The following FHAD1 variants were observed in gnomAD, a reference collection of about 807,000 sequenced individuals.
FHAD1 encodes forkhead-associated domain-containing protein 1.
FHAD1 carries 146 observed loss-of-function variants against 191.3 expected under a neutral mutation model. The observed-to-expected ratio is 0.76, with a 90% CI of 0.67 to 0.88. FHAD1 has a LOEUF of 0.88. FHAD1 is among the 40% of genes least tolerant of loss of function. The pLI, the probability that FHAD1 is intolerant of heterozygous loss-of-function variation, is 0.00. For synonymous variants in FHAD1, 616 were observed against 672.3 expected (o/e 0.92, Z 1.29); for missense variants, 1,635 against 1,785.8 (o/e 0.92, Z 1.52).
chr1:15,307,979 C>G (rs559617720), intron 6 of FHAD1, among the ~76,000 whole-genome samples: 1 of 152,226 alleles, frequency 6.6e-6, no homozygotes, highest in African/African-American at 2.4e-5. Flanking sequence ...ATCCACCCGC[C>G]TCAGCCTCCC....
intron 2 of FHAD1, among the ~76,000 whole-genome samples, chr1:15,271,151 A>C: frequency 6.7e-6 from 1 of 148,738 alleles, no homozygotes; most frequent in African/African-American, 2.5e-5. Context: ...AAAAAAAAAA[A>C]AAAAAAAAAA....
At chr1:15,238,249 G>T in intron 1 of FHAD1, among the ~76,000 whole-genome samples, 1 of 8,026 alleles carries the variant, frequency 1.2e-4, no homozygotes, top group Non-Finnish European at 1.8e-4. Flanking sequence ...TCCATCTCAA[G>T]GAAAAAAAAA....
At chr1:15,256,030 T>C (rs1188460940) in intron 2 of FHAD1, among the ~76,000 whole-genome samples, 1 of 152,220 alleles carries the variant, frequency 6.6e-6, no homozygotes, top group African/African-American at 2.4e-5. Flanking sequence ...CCCACCTGCA[T>C]TGGACAGGGC....
intron 3 of FHAD1, among the ~76,000 whole-genome samples, chr1:15,274,064 C>T (rs913970129): frequency 2.0e-5 from 3 of 152,194 alleles, no homozygotes; most frequent in African/African-American, 2.4e-5. Flanking sequence ...TTGTAGCATG[C>T]GTCAGACTGT....
intron 20 of FHAD1, among the ~76,000 whole-genome samples, chr1:15,353,820 T>A (rs1325259855): frequency 3.3e-5 from 5 of 150,428 alleles, no homozygotes; most frequent in African/African-American, 1.2e-4. Context: ...TTTGTCATCA[T>A]AATTGTCATC....
chr1:15,258,244 A>G (rs1251884702), intron 2 of FHAD1, among the ~76,000 whole-genome samples: 1 of 151,952 alleles, frequency 6.6e-6, no homozygotes, highest in Non-Finnish European at 1.5e-5. Flanking sequence ...TTCCCCTCCC[A>G]GCCCCCCAGT....
At chr1:15,272,964 G>A (rs1344468075) in intron 3 of FHAD1, among the ~76,000 whole-genome samples, 1 of 152,190 alleles carries the variant, frequency 6.6e-6, no homozygotes, top group East Asian at 1.9e-4. Context: ...GAGAATGTCT[G>A]TAGAGCCTGA....
intron 31 of FHAD1, among the ~76,000 whole-genome samples, chr1:15,386,842 TTTCTTTC>T (rs1273827877): frequency 3.3e-5 from 4 of 122,908 alleles, no homozygotes; most frequent in Non-Finnish European, 6.4e-5. Flanking sequence ...TTTTTTTTCC[TTTCTTTC>T]TTTTTTTTTT....
At chr1:15,352,148 A>C (rs1691127783) in intron 19 of FHAD1, among the ~76,000 whole-genome samples, 1 of 152,238 alleles carries the variant, frequency 6.6e-6, no homozygotes, top group African/African-American at 2.4e-5. Context: ...ATTTCAGTAC[A>C]TACCCCTCTG....
chr1:15,358,388 C>A, intron 21 of FHAD1, 105 bp downstream of exon 21: 1 of 1,149,104 alleles, frequency 8.7e-7, no homozygotes, highest in Non-Finnish European at 1.2e-6. Context: ...CTCAGCACTG[C>A]TGATGTTCTG....
chr1:15,374,593 G>C lies in FHAD1; in HGVS notation c.3539G>C (p.Arg1180Pro), dbSNP rs755525500. The C allele has an allele frequency of 1.3e-6, 2 of 1,551,660 alleles. No individual in the cohort carries two copies. Among genetic ancestry groups the C allele is most frequent in the Non-Finnish European group, 1.7e-6 (2 of 1,147,000 alleles). The change falls in exon 27 of 34, where the codon CGA becomes CCA. Residue 1180 changes from arginine to proline, a missense_variant. Physicochemically the swap from Arg to Pro is moderately radical, Grantham distance 103. Coordinates refer to ENST00000688493, the MANE Select transcript of FHAD1 (RefSeq NM_001391957.1). The stretch of plus-strand genomic sequence containing the variant: ...CAGAAAAAGGCCTTATCTGAACTTC[G>C]AGCGCGAATTAAAGAACTCGAGAAG... Reference protein sequence around the residue: ...QRQKKALSELRARIKELEKAR... With the variant: ...QRQKKALSELPARIKELEKAR...
At chr1:15,301,154 C>A in intron 5 of FHAD1, 51 bp from the exon 6 acceptor site, 1 of 1,495,428 alleles carries the variant, frequency 6.7e-7, no homozygotes, top group Non-Finnish European at 9.1e-7. Flanking sequence ...ATGGGCTCAG[C>A]CTCACACCTA....
chr1:15,317,336 C>T (rs192359517), intron 9 of FHAD1, among the ~76,000 whole-genome samples: 8 of 152,330 alleles, frequency 5.3e-5, no homozygotes, highest in African/African-American at 9.6e-5. Flanking sequence ...GTTTTCCACT[C>T]GGGAAGTTCA....
At chr1:15,295,715 A>G (rs1395019407) in intron 4 of FHAD1, among the ~76,000 whole-genome samples, 1 of 152,216 alleles carries the variant, frequency 6.6e-6, no homozygotes, top group Non-Finnish European at 1.5e-5. Flanking sequence ...TGGAACCCAC[A>G]CATATGGGGG....
At chr1:15,263,749 C>A (rs1400232278) in intron 2 of FHAD1, among the ~76,000 whole-genome samples, 1 of 152,030 alleles carries the variant, frequency 6.6e-6, no homozygotes, top group African/African-American at 2.4e-5. Flanking sequence ...TCTTGATCTC[C>A]TGACCTCGTG....
chr1:15,398,565 T>A (rs574018934), downstream of FHAD1, among the ~76,000 whole-genome samples: 1 of 152,008 alleles, frequency 6.6e-6, no homozygotes, highest in Non-Finnish European at 1.5e-5. Context: ...TACTGTCCAT[T>A]CGGATACACC....
intron 15 of FHAD1, 47 bp downstream of exon 15, chr1:15,339,598 G>T (rs1276582572): frequency 1.9e-6 from 2 of 1,037,488 alleles, no homozygotes; most frequent in East Asian, 1.2e-4. Flanking sequence ...TCGGCCCCTG[G>T]TTGGCATTTA....
At chr1:15,237,715 G>A (rs1353994256) in intron 1 of FHAD1, among the ~76,000 whole-genome samples, 3 of 152,154 alleles carry the variant, frequency 2.0e-5, no homozygotes, top group Admixed American at 6.5e-5. Flanking sequence ...CAGAAAACAC[G>A]GTGAAAGGTG....
chr1:15,360,119 AACAAC>A (rs1209437044), intron 21 of FHAD1, among the ~76,000 whole-genome samples: 4 of 148,362 alleles, frequency 2.7e-5, no homozygotes, highest in African/African-American at 1.0e-4. Flanking sequence ...TCTCAAAACA[AACAAC>A]AACAACAACA....
Sources: gnomAD v4.1 joint callset for allele counts (sites outside exome capture counted in the v4.1 genomes callset) on GRCh38, gnomAD v4.1.1 for gene constraint, MANE v1.5 for transcripts, NCBI Gene and HGNC (gene_info 2026-07-23, HGNC 2026-07-21) for gene names.